PLLP: variants seen among roughly 807,000 people sequenced by gnomAD.
PLLP encodes plasma membrane proteolipid (plasmolipin).
A neutral mutation model predicts 19.7 loss-of-function variants in PLLP; 15 were observed. The ratio of observed to expected loss-of-function variants is 0.76; its 90% CI spans 0.51 to 1.17. The LOEUF (loss-of-function observed/expected upper bound fraction) is 1.17, where lower values mean the gene tolerates loss of function less well. Among genes scored for constraint, PLLP ranks in the 50% most tolerant of loss-of-function variants. PLLP has a pLI of 0.00. For missense variants in PLLP, 255 were observed against 258.3 expected (o/e 0.99, Z 0.09); for synonymous variants, 111 against 116.3 (o/e 0.95, Z 0.29).
chr16:57,282,312 A>G (rs1901230598), intron 1 of PLLP, among the ~76,000 whole-genome samples: 1 of 151,582 alleles, frequency 6.6e-6, no homozygotes, highest in Non-Finnish European at 1.5e-5. Flanking sequence ...GGTGCGATCA[A>G]AGTCACTGTA....
intron 3 of PLLP, among the ~76,000 whole-genome samples, 176 bp downstream of exon 3, chr16:57,258,286 T>C (rs11866639): frequency 0.01 from 1,592 of 152,112 alleles, 34 homozygotes; most frequent in African/African-American, 0.035. Flanking sequence ...CACACCACTC[T>C]CCACTGTTAA....
chr16:57,268,051 A>C (rs1472942368), intron 1 of PLLP, among the ~76,000 whole-genome samples: 1 of 152,108 alleles, frequency 6.6e-6, no homozygotes, highest in African/African-American at 2.4e-5. Context: ...GTGAAGACAG[A>C]GGCAGAGACG....
intron 1 of PLLP, among the ~76,000 whole-genome samples, chr16:57,283,938 G>T (rs1210747680): frequency 1.3e-5 from 2 of 152,230 alleles, no homozygotes; most frequent in Admixed American, 6.5e-5. Context: ...CGGGACAGAA[G>T]GTGGTCAGAG....
chr16:57,261,879 ACC>A lies in PLLP; in HGVS notation c.309+16_309+17del. On this transcript the variant is annotated intron_variant, in intron 2 of 3. Transcript: ENST00000219207. ...TGGTCCTGTCATAGCCACTTCCAGT[ACC>A]CCCACCCAGACTCACCACCAGTGGC... 6.2e-7 allele frequency: 1 copy of A among 1,611,828 alleles called. No individual in the cohort carries two copies. Among genetic ancestry groups the A allele is most frequent in the South Asian group, 1.1e-5 (1 of 91,006 alleles).
rs1901262141 is a variant in PLLP, at chr16:57,284,557, T to G, written c.-17A>C. The G allele has an allele frequency of 7.5e-7, 1 of 1,336,260 alleles. No individual in the cohort carries two copies. The highest frequency in any genetic ancestry group is 9.6e-7 in the Non-Finnish European group (1 of 1,036,406). 82.8% of individuals were successfully genotyped at this position (1,336,260 alleles called of 1,614,324 possible). ...CTCGGCCATGGCGGCTCCGCTTGCCTCCCGAGGTCGCTACGGCCGCCGTCG... is the reference window on the plus strand; with the variant it reads ...CTCGGCCATGGCGGCTCCGCTTGCCGCCCGAGGTCGCTACGGCCGCCGTCG... On this transcript the variant is annotated 5_prime_UTR_variant, in exon 1 of 4. Transcript: ENST00000219207.
At chr16:57,258,646 A>G in intron 2 of PLLP, 62 bp from the exon 3 acceptor site, 1 of 1,553,118 alleles carries the variant, frequency 6.4e-7, no homozygotes, top group Non-Finnish European at 8.8e-7. Flanking sequence ...GAGAGGCCAG[A>G]CACGGTGGTT....
At chr16:57,258,693 G>A (rs2075433388) in intron 2 of PLLP, 109 bp from the exon 3 acceptor site, 2 of 1,094,352 alleles carry the variant, frequency 1.8e-6, no homozygotes, top group African/African-American at 1.5e-5. Context: ...GGGCTGAAGT[G>A]GAAGGATCGC....
At chr16:57,278,284 G>A (rs1243747159) in intron 1 of PLLP, among the ~76,000 whole-genome samples, 6 of 152,310 alleles carry the variant, frequency 3.9e-5, no homozygotes, top group East Asian at 1.9e-4. Flanking sequence ...AGGTTGCAGT[G>A]AGCTGAGATT....
intron 3 of PLLP, among the ~76,000 whole-genome samples, chr16:57,258,010 G>A (rs529417036): frequency 2.0e-5 from 3 of 152,006 alleles, no homozygotes; most frequent in South Asian, 2.1e-4. Flanking sequence ...GTGAAACTCC[G>A]TCTCTACTAA....
chr16:57,266,943 C>G (rs1320391869), intron 1 of PLLP, among the ~76,000 whole-genome samples: 1 of 139,142 alleles, frequency 7.2e-6, no homozygotes, highest in African/African-American at 2.6e-5. Context: ...ATGAAGACTA[C>G]AGTGTCAAAA....
chr16:57,279,095 G>A (rs939110094), intron 1 of PLLP, among the ~76,000 whole-genome samples: 1 of 152,170 alleles, frequency 6.6e-6, no homozygotes, highest in African/African-American at 2.4e-5. Context: ...CTATAACCCT[G>A]TGAATCCAAA....
intron 3 of PLLP, among the ~76,000 whole-genome samples, 169 bp from the exon 4 acceptor site, chr16:57,257,198 G>A (rs776921697): frequency 1.3e-5 from 2 of 152,198 alleles, no homozygotes; most frequent in Non-Finnish European, 2.9e-5. Flanking sequence ...AGGGTCCTGG[G>A]ATACCAACAT....
intron 1 of PLLP, 38 bp from the exon 2 acceptor site, chr16:57,262,108 C>T (rs763991051): frequency 1.7e-5 from 28 of 1,600,390 alleles, no homozygotes; most frequent in Middle Eastern, 1.7e-4. Flanking sequence ...GCCAGAGATG[C>T]GGTTTCATTT....
intron 1 of PLLP, among the ~76,000 whole-genome samples, chr16:57,280,390 T>C (rs1179518808): frequency 6.6e-6 from 1 of 152,172 alleles, no homozygotes; most frequent in Non-Finnish European, 1.5e-5. Context: ...CACTACTTTA[T>C]ACTTATTGTA....
At chr16:57,267,044 C>T (rs1234037127) in intron 1 of PLLP, among the ~76,000 whole-genome samples, 1 of 152,052 alleles carries the variant, frequency 6.6e-6, no homozygotes, top group African/African-American at 2.4e-5. Flanking sequence ...AGAGAAGATT[C>T]GTCACAAATG....
At position 57,256,124 on chromosome 16, in the gene PLLP, A is replaced by C. The variant is rs914332081; in HGVS notation, c.*789T>G. ...ATTTCTCTCATCTTTATTTTTATTA[A>C]AAAAAATAAAACAGTCACCACCAAC... On this transcript the variant is annotated 3_prime_UTR_variant, in exon 4 of 4. Transcript: ENST00000219207. The C allele has an allele frequency of 7.8e-5, 31 of 398,318 alleles. No homozygotes were observed. Among genetic ancestry groups the C allele is most frequent in the Admixed American group, 1.3e-4 (3 of 22,708 alleles). The allele number at this position is 398,318 out of a possible 1,614,324, so 24.7% of individuals were successfully genotyped here.
Position 57,256,822 on chromosome 16 carries a change from G to T in PLLP, c.*91C>A. On this transcript the variant is annotated 3_prime_UTR_variant, in exon 4 of 4. Coordinates refer to ENST00000219207, the MANE Select transcript of PLLP (RefSeq NM_015993.3). Reference sequence around the variant, plus strand: ...GCAGTCCCTGTTGGGCTGACTCCACGCAGGGCTCCCCAGCTTCAGGCTTGC... The same window carrying T: ...GCAGTCCCTGTTGGGCTGACTCCACTCAGGGCTCCCCAGCTTCAGGCTTGC... 2.4e-6 allele frequency: 2 copies of T among 831,496 alleles called. No individual in the cohort carries two copies. Among genetic ancestry groups the T allele is most frequent in the Non-Finnish European group, 4.0e-6 (2 of 496,340 alleles). 51.5% of individuals were successfully genotyped at this position (831,496 alleles called of 1,614,324 possible).
chr16:57,264,561 G>A (rs1161260181), intron 1 of PLLP, among the ~76,000 whole-genome samples: 1 of 152,244 alleles, frequency 6.6e-6, no homozygotes, highest in Non-Finnish European at 1.5e-5. Context: ...AGGAAGCAGT[G>A]GGGCTGGGCG....
intron 1 of PLLP, among the ~76,000 whole-genome samples, chr16:57,275,093 T>TCA (rs60029615): frequency 0.055 from 6,664 of 121,370 alleles, 267 homozygotes; most frequent in African/African-American, 0.13. Context: ...TCCAGGGACT[T>TCA]CACACACACA....
Sources: gnomAD v4.1 joint callset for allele counts (sites outside exome capture counted in the v4.1 genomes callset) on GRCh38, gnomAD v4.1.1 for gene constraint, MANE v1.5 for transcripts, NCBI Gene and HGNC (gene_info 2026-07-23, HGNC 2026-07-21) for gene names.